Variants in TFRC observed in about 807,000 individuals in gnomAD.
The protein encoded by TFRC is transferrin receptor.
A neutral mutation model predicts 85.8 loss-of-function variants in TFRC; 35 were observed. That is an observed-to-expected ratio of 0.41 (90% confidence interval 0.31 to 0.54). The LOEUF (loss-of-function observed/expected upper bound fraction) is 0.54. TFRC is among the 20% of genes least tolerant of loss of function. The pLI, the probability that TFRC is intolerant of heterozygous loss-of-function variation, is 0.31. For missense variants in TFRC, 828 were observed against 921.5 expected, an observed-to-expected ratio of 0.90 and a Z score of 1.31; for synonymous variants, 362 against 328.6, an observed-to-expected ratio of 1.10 and a Z score of -1.10.
intron 7 of TFRC, among the ~76,000 whole-genome samples, chr3:196,068,743 C>T (rs1185839133): frequency 2.0e-5 from 3 of 150,902 alleles, no homozygotes; most frequent in African/African-American, 4.9e-5. Flanking sequence ...GCCAGGCCAA[C>T]GTCGTGAAAC....
At chr3:196,081,594 T>C (rs1056012421) in intron 1 of TFRC, among the ~76,000 whole-genome samples, 1 of 152,192 alleles carries the variant, frequency 6.6e-6, no homozygotes, top group African/African-American at 2.4e-5. Flanking sequence ...GCACCTTGGC[T>C]GCGCCCGCGC....
intron 11 of TFRC, 41 bp downstream of exon 11, chr3:196,064,268 C>T: frequency 6.3e-7 from 1 of 1,587,340 alleles, no homozygotes; most frequent in Non-Finnish European, 8.6e-7. Flanking sequence ...GAACTGTATG[C>T]AGTGCACCAA....
chr3:196,077,331 G>A (rs1422744434), intron 1 of TFRC, among the ~76,000 whole-genome samples: 3 of 149,770 alleles, frequency 2.0e-5, no homozygotes, highest in Non-Finnish European at 4.5e-5. Flanking sequence ...TTTTCTTTTT[G>A]TAGAGACAAG....
rs1159208086 is a variant in TFRC at position 196,052,198 on chromosome 3, A to C, written c.2041-14T>G. ...GTGATACTCCACCTACGAAAACAAC[A>C]CACAAGGCAATTTACACAGCCCTGT... On this transcript the variant is annotated splice_polypyrimidine_tract_variant and intron_variant, in intron 18 of 18. Transcript: ENST00000360110. The C allele has an allele frequency of 6.2e-7, 1 of 1,611,380 alleles. No homozygotes were observed. The highest frequency in any genetic ancestry group is 1.1e-5 in the South Asian group (1 of 90,798).
chr3:196,068,269 C>G, intron 7 of TFRC, 139 bp from the exon 8 acceptor site: 1 of 573,126 alleles, frequency 1.7e-6, no homozygotes, highest in Non-Finnish European at 2.9e-6. Flanking sequence ...AATTGTTTAT[C>G]TGGTAATTTA....
Position 196,049,543 on chromosome 3 carries a change from A to AG in TFRC, c.*2398dup, listed in dbSNP as rs1374717736. On this transcript the variant is annotated 3_prime_UTR_variant, in exon 19 of 19. Coordinates refer to ENST00000360110, the MANE Select transcript of TFRC (RefSeq NM_001128148.3). Reference sequence around the variant, plus strand: ...ATCTCAAGACCAGGAGCTTGTCACTAGTCTGATATTTCATTCAGGAATATT... The same window carrying AG: ...ATCTCAAGACCAGGAGCTTGTCACTAGGTCTGATATTTCATTCAGGAATATT... The AG allele has an allele frequency of 9.1e-6, 2 of 220,386 alleles. No individual in the cohort carries two copies. The highest frequency in any genetic ancestry group is 4.5e-5 in the African/African-American group (2 of 44,640). The allele number at this position is 220,386 out of a possible 1,614,324, so 13.7% of individuals were successfully genotyped here.
chr3:196,055,086 G>C lies in TFRC; in HGVS notation c.1893C>G (p.Asp631Glu). The change falls in exon 17 of 19, where the codon GAC becomes GAG. Residue 631 changes from aspartate to glutamate, a missense_variant. Physicochemically the swap from Asp to Glu is conservative, Grantham distance 45. Transcript: ENST00000360110. ...AATTGGAATCAGTGCTCACCTTTAT[G>C]TCTGCTCTGTATTGGTTCAGATCCC... ...FVRDLNQYRA[D>E]IKEMGLSLQW... 6.2e-7 allele frequency: 1 copy of C among 1,613,942 alleles called. No homozygotes were observed. Among genetic ancestry groups the C allele is most frequent in the Non-Finnish European group, 8.5e-7 (1 of 1,179,948 alleles).
chr3:196,060,452 GTACTACT>G (rs1486393972), intron 13 of TFRC: 1 of 551,254 alleles, frequency 1.8e-6, no homozygotes, highest in Non-Finnish European at 3.2e-6. Flanking sequence ...AAGTGGGCTC[GTACTACT>G]CCTTGAGTTT....
chr3:196,050,609 G>C lies in TFRC; in HGVS notation c.*1333C>G, dbSNP rs187555659. 132 of 203,734 alleles carry C rather than the reference G, an allele frequency of 6.5e-4. No homozygotes were observed. The highest frequency in any genetic ancestry group is 2.9e-3 in the African/African-American group (126 of 43,818). The allele number at this position is 203,734 out of a possible 1,614,324, so 12.6% of individuals were successfully genotyped here. On this transcript the variant is annotated 3_prime_UTR_variant, in exon 19 of 19. Coordinates refer to ENST00000360110, the MANE Select transcript of TFRC (RefSeq NM_001128148.3). ...AGACACTGCTCCCGATAATGTGTTA[G>C]GATTGTGACAAAGGTACTGGAAATT...
intron 6 of TFRC, among the ~76,000 whole-genome samples, chr3:196,070,039 GC>G (rs1421783494): frequency 6.6e-6 from 1 of 152,134 alleles, no homozygotes; most frequent in African/African-American, 2.4e-5. Flanking sequence ...CAGATGAACA[GC>G]CATAAACTGA....
intron 7 of TFRC, among the ~76,000 whole-genome samples, chr3:196,068,616 A>G (rs1717931800): frequency 6.8e-6 from 1 of 147,004 alleles, no homozygotes; most frequent in South Asian, 2.2e-4. Flanking sequence ...CTCTCAAAAA[A>G]AAAAAAAAAA....
Position 196,075,313 on chromosome 3 carries a change from T to C in TFRC, c.84A>G (p.Gln28=), listed in dbSNP as rs41300441. The C allele has an allele frequency of 6.2e-6, 10 of 1,614,178 alleles. No individual in the cohort carries two copies. The East Asian group carries it at 8.9e-5, about 14-fold the overall frequency. ...LSYTRFSLAR[Q]VDGDNSHVEM... ...CCACATGACTGTTATCGCCATCTAC[T>C]TGCCGAGCCAGGCTGAACCGGGTAT... The change falls in exon 3 of 19, where the codon CAA becomes CAG. Residue 28 remains glutamine (Q), a synonymous_variant. Coordinates refer to ENST00000360110, the MANE Select transcript of TFRC (RefSeq NM_001128148.3).
intron 8 of TFRC, 126 bp downstream of exon 8, chr3:196,067,906 C>A: frequency 1.2e-6 from 1 of 801,478 alleles, no homozygotes; most frequent in South Asian, 1.9e-5. Flanking sequence ...TATCTTCTTG[C>A]TTACTGCTAA....
chr3:196,055,506 G>A, intron 16 of TFRC: 1 of 594,760 alleles, frequency 1.7e-6, no homozygotes, highest in Non-Finnish European at 3.0e-6. Flanking sequence ...TACTCCTAGA[G>A]TGACTACTTT....
At position 196,049,509 on chromosome 3, in the gene TFRC, C is replaced by T. The variant is rs560004372; in HGVS notation, c.*2433G>A. On this transcript the variant is annotated 3_prime_UTR_variant, in exon 19 of 19. Transcript: ENST00000360110. The stretch of plus-strand genomic sequence containing the variant: ...ACCTCCAAAAGGCCCATCTCCTTAA[C>T]GAGAAGACATCTCAAGACCAGGAGC... The T allele has an allele frequency of 9.1e-6, 2 of 219,890 alleles. No individual in the cohort carries two copies. Among genetic ancestry groups the T allele is most frequent in the East Asian group, 6.7e-5 (1 of 14,948 alleles). 13.6% of individuals were successfully genotyped at this position (219,890 alleles called of 1,614,324 possible).
intron 12 of TFRC, 73 bp downstream of exon 12, chr3:196,062,781 A>C: frequency 6.3e-7 from 1 of 1,582,324 alleles, no homozygotes; most frequent in South Asian, 1.1e-5. Flanking sequence ...CAAACCTATA[A>C]AAACATCACT....
chr3:196,074,669 A>G (rs1356797585), intron 3 of TFRC, among the ~76,000 whole-genome samples: 1 of 152,060 alleles, frequency 6.6e-6, no homozygotes, highest in East Asian at 1.9e-4. Context: ...TCACGAGGTC[A>G]GGAGTTAGAG....
At chr3:196,060,332 A>C in intron 13 of TFRC, 85 bp from the exon 14 acceptor site, 1 of 1,149,520 alleles carries the variant, frequency 8.7e-7, no homozygotes, top group Non-Finnish European at 1.3e-6. Flanking sequence ...GTACTTGACA[A>C]ATAAGACAGT....
At chr3:196,069,361 T>G in intron 7 of TFRC, 94 bp downstream of exon 7, 1 of 763,430 alleles carries the variant, frequency 1.3e-6, no homozygotes, top group Non-Finnish European at 2.2e-6. Flanking sequence ...ATTGCTGATT[T>G]TCAGAATGTA....
Sources: gnomAD v4.1 joint callset for allele counts (sites outside exome capture counted in the v4.1 genomes callset) on GRCh38, gnomAD v4.1.1 for gene constraint, MANE v1.5 for transcripts, NCBI Gene and HGNC (gene_info 2026-07-23, HGNC 2026-07-21) for gene names.